Variants in GLRA2 observed in about 807,000 individuals in gnomAD.
GLRA2 encodes the protein glycine receptor alpha 2.
A neutral mutation model predicts 31.6 loss-of-function variants in GLRA2; 11 were observed. The observed-to-expected ratio is 0.35, with a 90% confidence interval of 0.22 to 0.58. The LOEUF (loss-of-function observed/expected upper bound fraction) is 0.58, where lower values mean the gene tolerates loss of function less well. Ranked by LOEUF, GLRA2 falls within the 20% of genes least tolerant of loss-of-function variation. The probability of loss-of-function intolerance (pLI) is 0.84; values close to 1 mark genes in which losing one functional copy is unlikely to be tolerated. For synonymous variants in GLRA2, 132 were observed against 134.0 expected (o/e 0.99, Z 0.10); for missense variants, 212 against 351.8 (o/e 0.60, Z 3.18).
Position 14,546,847 on chromosome X carries a change from G to T in GLRA2, c.202+14475G>T, listed in dbSNP as rs188107869. ...CTCTCATTCCCCCACATATTGAAAAGAATATAATTATTACATAAAAATTTG... is the reference window on the plus strand; with the variant it reads ...CTCTCATTCCCCCACATATTGAAAATAATATAATTATTACATAAAAATTTG... On this transcript the variant is annotated intron_variant, in intron 2 of 8. Transcript: ENST00000218075. Among the ~76,000 whole-genome samples, 8 of 111,305 alleles carry T rather than the reference G, an allele frequency of 7.2e-5. No individual in the cohort carries two copies. The East Asian group carries it at 1.4e-3, about 20-fold the overall frequency.
intron 7 of GLRA2, among the ~76,000 whole-genome samples, chrX:14,663,110 G>A (rs1019931836): frequency 9.0e-6 from 1 of 110,974 alleles, no homozygotes; most frequent in Non-Finnish European, 1.9e-5. Flanking sequence ...TATACCTTTA[G>A]TTATTTTTCC....
chrX:14,541,448 C>T (rs2089402488), intron 2 of GLRA2, among the ~76,000 whole-genome samples: 1 of 111,372 alleles, frequency 9.0e-6, no homozygotes, highest in Non-Finnish European at 1.9e-5. Flanking sequence ...ACTACTTTAC[C>T]ACACAATTTT....
At position 14,591,821 on chromosome X, in the gene GLRA2, G is replaced by A. The variant is rs188337660; in HGVS notation, c.494+10415G>A. On this transcript the variant is annotated intron_variant, in intron 4 of 8. Transcript: ENST00000218075. ...ACCACTTGTCCTTAACTGTTTACGT[G>A]ACTGGACTAGCAATAGCAACCAGTA... is the stretch of plus-strand genomic sequence containing the variant. Among the ~76,000 whole-genome samples the A allele has an allele frequency of 4.5e-5, 5 of 111,926 alleles. No individual in the cohort carries two copies. The Admixed American group carries it at 4.7e-4, about 11-fold the overall frequency.
At chrX:14,530,266 G>A (rs1000204014) in intron 1 of GLRA2, 141 bp downstream of exon 1, 4 of 466,547 alleles carry the variant, frequency 8.6e-6, no homozygotes, top group Non-Finnish European at 1.4e-5. Flanking sequence ...CATTTAAAAC[G>A]CCTAATAATT....
chrX:14,537,930 C>G (rs1343647330), intron 2 of GLRA2, among the ~76,000 whole-genome samples: 1 of 107,786 alleles, frequency 9.3e-6, no homozygotes, highest in African/African-American at 3.4e-5. Flanking sequence ...CTGGCTGTGT[C>G]ACAATTTATT....
At chrX:14,544,500 T>A in intron 2 of GLRA2, among the ~76,000 whole-genome samples, 1 of 111,687 alleles carries the variant, frequency 9.0e-6, no homozygotes, top group Admixed American at 9.5e-5. Flanking sequence ...AGTTTTTCCA[T>A]CACTTCCTTG....
the GLRA2 span, among the ~76,000 whole-genome samples, chrX:14,487,466 A>C: frequency 9.3e-6 from 1 of 107,293 alleles, no homozygotes; most frequent in African/African-American, 3.4e-5. Context: ...GCAAAGATTT[A>C]CTTCCTATGG....
intron 2 of GLRA2, among the ~76,000 whole-genome samples, chrX:14,533,107 A>G (rs1196020354): frequency 9.0e-6 from 1 of 111,222 alleles, no homozygotes; most frequent in East Asian, 2.8e-4. Context: ...AAAGAATAAG[A>G]ATCAATTACT....
At chrX:14,693,736 T>C (rs1043747696) in intron 8 of GLRA2, among the ~76,000 whole-genome samples, 2 of 112,030 alleles carry the variant, frequency 1.8e-5, no homozygotes, top group Non-Finnish European at 3.8e-5. Flanking sequence ...GAAATAATAT[T>C]ATCTGAGTAA....
At chrX:14,507,686 A>ATTTTTTTTTTTTTTTTTTTTTTT in the GLRA2 span, among the ~76,000 whole-genome samples, 6 of 56,044 alleles carry the variant, frequency 1.1e-4, no homozygotes, top group South Asian at 7.5e-4. Flanking sequence ...TACGAAAGAC[A>ATTTTTTTTTTTTTTTTTTTTTTT]TTCTTTTTTT....
intron 2 of GLRA2, among the ~76,000 whole-genome samples, chrX:14,572,726 C>T (rs2089899853): frequency 9.0e-6 from 1 of 111,474 alleles, no homozygotes. Context: ...TATGGTGGTG[C>T]CTGTTATTCT....
intron 8 of GLRA2, among the ~76,000 whole-genome samples, chrX:14,694,307 C>A (rs2091408389): frequency 9.0e-6 from 1 of 111,517 alleles, no homozygotes; most frequent in African/African-American, 3.3e-5. Context: ...CATTAGACTA[C>A]TCACAGGTTA....
chrX:14,473,042 A>G, the GLRA2 span, among the ~76,000 whole-genome samples: 1 of 111,432 alleles, frequency 9.0e-6, no homozygotes, highest in Non-Finnish European at 1.9e-5. Flanking sequence ...GAATCAGACA[A>G]AAAATGTTCT....
intron 2 of GLRA2, among the ~76,000 whole-genome samples, chrX:14,543,762 C>T (rs1411406448): frequency 9.0e-6 from 1 of 111,450 alleles, no homozygotes; most frequent in South Asian, 3.7e-4. Context: ...GACTTAATAT[C>T]CATTAGCATA....
intron 7 of GLRA2, among the ~76,000 whole-genome samples, chrX:14,648,862 C>T (rs1482236628): frequency 8.9e-6 from 1 of 111,949 alleles, no homozygotes; most frequent in Non-Finnish European, 1.9e-5. Flanking sequence ...AACTGAAATC[C>T]TCATGCACTT....
At chrX:14,617,936 A>G (rs1217657787) in intron 7 of GLRA2, among the ~76,000 whole-genome samples, 1 of 111,997 alleles carries the variant, frequency 8.9e-6, no homozygotes, top group Non-Finnish European at 1.9e-5. Flanking sequence ...CCTGAACTAA[A>G]TTTTTTTGAA....
chrX:14,544,730 C>G (rs974964754), intron 2 of GLRA2, among the ~76,000 whole-genome samples: 2 of 111,266 alleles, frequency 1.8e-5, no homozygotes, highest in African/African-American at 6.5e-5. Flanking sequence ...AAGATGGATG[C>G]AGAAAATGAA....
chrX:14,472,573 C>G, the GLRA2 span, among the ~76,000 whole-genome samples: 2 of 110,934 alleles, frequency 1.8e-5, no homozygotes, highest in Admixed American at 9.7e-5. Context: ...TCCCCAACCC[C>G]CATCGTGTTC....
intron 7 of GLRA2, among the ~76,000 whole-genome samples, chrX:14,680,802 A>T (rs5980059): frequency 0.26 from 28,622 of 111,386 alleles, 2,764 homozygotes; most frequent in Non-Finnish European, 0.3. Flanking sequence ...TGAGCAGCTG[A>T]AAAAGAAGCC....
Sources: allele counts gnomAD v4.1 joint callset (sites outside exome capture counted in the v4.1 genomes callset), GRCh38; gene constraint gnomAD v4.1.1; transcripts MANE v1.5; gene names NCBI Gene and HGNC (gene_info 2026-07-23, HGNC 2026-07-21).